Variants in ZNF44 observed in about 807,000 individuals in gnomAD.
The protein encoded by ZNF44 is gonadotropin inducible transcription repressor-2.
In ZNF44, 9 loss-of-function variants were observed where a neutral mutation model predicts 11.7. That is an observed-to-expected ratio of 0.77 (90% CI 0.46 to 1.35). The LOEUF (loss-of-function observed/expected upper bound fraction) is 1.35. Among genes scored for constraint, ZNF44 ranks in the 40% most tolerant of loss-of-function variants. The pLI is 0.00. For synonymous variants in ZNF44, 224 were observed against 242.7 expected, an observed-to-expected ratio of 0.92 and a Z score of 0.72; for missense variants, 696 against 743.1, an observed-to-expected ratio of 0.94 and a Z score of 0.74.
At chr19:12,246,450 A>AAT (rs890966608), downstream of ZNF44, among the ~76,000 whole-genome samples, 11 of 152,182 alleles carry the variant, frequency 7.2e-5, no homozygotes, top group African/African-American at 9.6e-5. Context: ...AGGAAGGTGG[A>AAT]ATATATATAT....
At chr19:12,263,535 G>A (rs921688197) in intron 5 of ZNF44, among the ~76,000 whole-genome samples, 6 of 152,094 alleles carry the variant, frequency 3.9e-5, no homozygotes, top group Non-Finnish European at 1.5e-5. Flanking sequence ...CCCAGCACCT[G>A]GCAGGCCAAG....
chr19:12,260,286 G>A, intron 5 of ZNF44: 1 of 848,942 alleles, frequency 1.2e-6, no homozygotes. Flanking sequence ...GGAGCCGGCA[G>A]CCGAGGACAA....
chr19:12,249,664 T>A (rs191827807), intron 7 of ZNF44, among the ~76,000 whole-genome samples: 97 of 152,128 alleles, frequency 6.4e-4, no homozygotes, highest in Middle Eastern at 6.8e-3. Context: ...GCGATTCTCC[T>A]GCCTCAGCCT....
At chr19:12,291,799 C>G (rs893313019) in intron 1 of ZNF44, among the ~76,000 whole-genome samples, 1 of 151,988 alleles carries the variant, frequency 6.6e-6, no homozygotes, top group African/African-American at 2.4e-5. Context: ...CAAGACCAGC[C>G]TGGCCAGCAA....
intron 5 of ZNF44, among the ~76,000 whole-genome samples, chr19:12,259,036 G>A (rs941671921): frequency 2.6e-5 from 4 of 151,836 alleles, no homozygotes; most frequent in South Asian, 2.1e-4. Flanking sequence ...CACTACACCC[G>A]GCTAATTTTT....
At chr19:12,293,285 T>C in intron 1 of ZNF44, 1 of 1,536,820 alleles carries the variant, frequency 6.5e-7, no homozygotes, top group Non-Finnish European at 8.7e-7. Flanking sequence ...CTGGGAAGAG[T>C]GACCCAAGGG....
intron 2 of ZNF44, among the ~76,000 whole-genome samples, chr19:12,231,311 G>A (rs768635849): frequency 1.8e-4 from 28 of 152,064 alleles, no homozygotes; most frequent in Non-Finnish European, 3.4e-4. Flanking sequence ...TAGAGGTGGT[G>A]GATCCATGCC....
At chr19:12,233,085 A>G (rs1373284537) in intron 2 of ZNF44, among the ~76,000 whole-genome samples, 1 of 152,144 alleles carries the variant, frequency 6.6e-6, no homozygotes, top group Non-Finnish European at 1.5e-5. Context: ...ACCACAAATA[A>G]TATCTCTGAC....
upstream of ZNF44, among the ~76,000 whole-genome samples, chr19:12,242,223 A>G (rs959735990): frequency 1.2e-4 from 19 of 152,126 alleles, no homozygotes; most frequent in Non-Finnish European, 2.9e-5. Flanking sequence ...AAAAAAAATT[A>G]AAGGCCGGGT....
intron 1 of ZNF44, among the ~76,000 whole-genome samples, chr19:12,283,460 C>T (rs1967573870): frequency 6.6e-6 from 1 of 152,070 alleles, no homozygotes; most frequent in Non-Finnish European, 1.5e-5. Context: ...TCCTGAGTAG[C>T]TGGGATTACA....
intron 5 of ZNF44, among the ~76,000 whole-genome samples, chr19:12,254,934 A>G (rs1917178906): frequency 6.6e-6 from 1 of 151,478 alleles, no homozygotes; most frequent in Non-Finnish European, 1.5e-5. Flanking sequence ...TAAAAATACA[A>G]AAAAATTAGC....
At chr19:12,234,552 T>C (rs1471158262) in intron 2 of ZNF44, 3 of 152,214 alleles carry the variant, frequency 2.0e-5, no homozygotes, top group Non-Finnish European at 4.4e-5. Context: ...ACTGCAGCCA[T>C]GCTTGATCAA....
intron 2 of ZNF44, among the ~76,000 whole-genome samples, chr19:12,234,155 T>C (rs1255428246): frequency 1.3e-5 from 2 of 152,156 alleles, no homozygotes; most frequent in Non-Finnish European, 2.9e-5. Context: ...AGTGCAGGTT[T>C]TCTGCCATGT....
upstream of ZNF44, among the ~76,000 whole-genome samples, chr19:12,240,273 G>A (rs187520433): frequency 1.1e-3 from 174 of 151,664 alleles, 1 homozygote; most frequent in African/African-American, 3.8e-3. Flanking sequence ...GTGAAACCCC[G>A]TCTCTACTAA....
At chr19:12,255,892 C>T (rs762379862) in intron 5 of ZNF44, among the ~76,000 whole-genome samples, 3 of 151,802 alleles carry the variant, frequency 2.0e-5, no homozygotes, top group Non-Finnish European at 4.4e-5. Flanking sequence ...CAAAATTAGC[C>T]AGGCGTGGTG....
rs1391461001 is a variant in ZNF44 at position 12,284,753 on chromosome 19, C to T, written c.4-8671G>A. ...AGTGCTCCAAGGAGGCAGCCACTGC[C>T]ATCCGCGGGGCCATCATCCTGGCCA... On this transcript the variant is annotated intron_variant, in intron 1 of 3. Transcript: ENST00000355684. The T allele has an allele frequency of 7.4e-6, 6 of 806,136 alleles. No individual in the cohort carries two copies. The Admixed American group carries it at 1.0e-4, about 13-fold the overall frequency. 49.9% of individuals were successfully genotyped at this position (806,136 alleles called of 1,614,324 possible). A position where few individuals can be genotyped will look rare whatever the true frequency, so the allele number is the denominator to read the frequency against.
chr19:12,251,830 T>A (rs1184085933), intron 5 of ZNF44, among the ~76,000 whole-genome samples: 3 of 152,114 alleles, frequency 2.0e-5, no homozygotes, highest in Non-Finnish European at 4.4e-5. Flanking sequence ...GGCAGGCAGA[T>A]CACCTGAGGT....
chr19:12,260,599 C>T, intron 5 of ZNF44: 1 of 635,578 alleles, frequency 1.6e-6, no homozygotes. Flanking sequence ...CCCTCATGCC[C>T]GCAAAAAACA....
chr19:12,257,792 C>CT (rs1917321204), intron 5 of ZNF44, among the ~76,000 whole-genome samples: 2 of 132,100 alleles, frequency 1.5e-5, no homozygotes, highest in South Asian at 2.4e-4. Context: ...CAGCAAAACT[C>CT]TGTCTCAAAA....
Sources: allele counts gnomAD v4.1 joint callset (sites outside exome capture counted in the v4.1 genomes callset), GRCh38; gene constraint gnomAD v4.1.1; transcripts MANE v1.5; gene names NCBI Gene and HGNC (gene_info 2026-07-23, HGNC 2026-07-21).